Variants in CSMD1 observed in about 807,000 individuals in gnomAD.
The protein encoded by CSMD1 is CUB and Sushi multiple domains 1.
Under a neutral mutation model 417.5 loss-of-function variants are expected in CSMD1, and 213 were observed. That is an observed-to-expected ratio of 0.51 (90% CI 0.46 to 0.57). CSMD1 has a LOEUF of 0.57. Among genes scored for constraint, CSMD1 ranks in the 20% least tolerant of loss-of-function variants. The pLI is 0.00. For missense variants in CSMD1, 6,923 were observed against 4,529.7 expected, an observed-to-expected ratio of 1.53 and a Z score of -15.17; for synonymous variants, 2,862 against 1,736.8, an observed-to-expected ratio of 1.65 and a Z score of -16.11.
chr8:4,604,627 T>C (rs960306095), intron 2 of CSMD1, among the ~76,000 whole-genome samples: 3 of 152,138 alleles, frequency 2.0e-5, no homozygotes, highest in African/African-American at 7.2e-5. Context: ...AAGTTAAATC[T>C]CTGCAAATGA....
intron 2 of CSMD1, among the ~76,000 whole-genome samples, chr8:4,562,922 A>T (rs1464979458): frequency 6.6e-6 from 1 of 152,188 alleles, no homozygotes; most frequent in African/African-American, 2.4e-5. Context: ...TGTATATATA[A>T]AAAAATTAAC....
intron 5 of CSMD1, among the ~76,000 whole-genome samples, chr8:3,970,049 C>A (rs1298642236): frequency 6.6e-6 from 1 of 152,200 alleles, no homozygotes; most frequent in East Asian, 1.9e-4. Context: ...TACTGAGCTA[C>A]CAAACTACTA....
At chr8:4,086,411 C>G (rs547862918) in intron 3 of CSMD1, among the ~76,000 whole-genome samples, 22 of 152,266 alleles carry the variant, frequency 1.4e-4, no homozygotes, top group Non-Finnish European at 2.2e-4. Context: ...ACTTGTAAAT[C>G]ATTTTGAAAA....
chr8:3,339,999 A>G (rs1359298892), intron 23 of CSMD1, among the ~76,000 whole-genome samples: 5 of 152,214 alleles, frequency 3.3e-5, no homozygotes. Flanking sequence ...ATAAATGCCT[A>G]TTCAGCAACG....
chr8:4,921,605 T>G (rs1329646792), intron 1 of CSMD1, among the ~76,000 whole-genome samples: 1 of 152,184 alleles, frequency 6.6e-6, no homozygotes, highest in African/African-American at 2.4e-5. Context: ...CCAAAATACC[T>G]TTTATTTTAC....
intron 3 of CSMD1, among the ~76,000 whole-genome samples, chr8:4,094,353 C>G (rs1056624443): frequency 2.0e-5 from 3 of 152,068 alleles, no homozygotes; most frequent in African/African-American, 2.4e-5. Context: ...GAGCTGGACT[C>G]ATGGGTAACA....
At chr8:3,326,438 G>A (rs1178377284) in intron 23 of CSMD1, among the ~76,000 whole-genome samples, 1 of 152,188 alleles carries the variant, frequency 6.6e-6, no homozygotes, top group Non-Finnish European at 1.5e-5. Flanking sequence ...ACGAAGGTAT[G>A]AGGTGTTTCG....
At chr8:4,820,158 G>GAGCT (rs1799439757) in intron 1 of CSMD1, among the ~76,000 whole-genome samples, 1 of 152,082 alleles carries the variant, frequency 6.6e-6, no homozygotes, top group African/African-American at 2.4e-5. Context: ...TGTGAAGGGA[G>GAGCT]AGCTACTCAA....
chr8:3,161,777 T>C (rs1819914013), intron 38 of CSMD1, among the ~76,000 whole-genome samples: 1 of 152,186 alleles, frequency 6.6e-6, no homozygotes, highest in Non-Finnish European at 1.5e-5. Flanking sequence ...TGACTTATAC[T>C]GAATGATGAG....
At chr8:4,090,314 T>A (rs2130844899) in intron 3 of CSMD1, among the ~76,000 whole-genome samples, 2 of 152,316 alleles carry the variant, frequency 1.3e-5, no homozygotes, top group Admixed American at 1.3e-4. Flanking sequence ...TAATATCGTT[T>A]ATAAAGAAAC....
intron 7 of CSMD1, among the ~76,000 whole-genome samples, chr8:3,667,081 G>A (rs60921509): frequency 2.0e-5 from 3 of 152,100 alleles, no homozygotes; most frequent in Admixed American, 6.5e-5. Flanking sequence ...ATTATTGAGT[G>A]CTTGGTACAA....
At chr8:3,075,343 G>A (rs1273295399) in intron 49 of CSMD1, among the ~76,000 whole-genome samples, 2 of 148,782 alleles carry the variant, frequency 1.3e-5, no homozygotes, top group African/African-American at 5.0e-5. Context: ...GTGCAACGGT[G>A]TGATCTCGGC....
chr8:3,534,905 A>C (rs528462622), intron 10 of CSMD1, among the ~76,000 whole-genome samples: 1 of 152,320 alleles, frequency 6.6e-6, no homozygotes, highest in South Asian at 2.1e-4. Context: ...TTTAGTCCAG[A>C]ATTCAAGTAA....
At chr8:4,910,849 G>A (rs1287267702) in intron 1 of CSMD1, among the ~76,000 whole-genome samples, 2 of 152,160 alleles carry the variant, frequency 1.3e-5, no homozygotes, top group Non-Finnish European at 2.9e-5. Flanking sequence ...TGGTTTGGCT[G>A]TGTCCCCACC....
intron 7 of CSMD1, among the ~76,000 whole-genome samples, chr8:3,704,365 C>T (rs896240215): frequency 1.3e-5 from 2 of 152,130 alleles, no homozygotes; most frequent in African/African-American, 2.4e-5. Flanking sequence ...CCAGTGGGCT[C>T]CATAGGAACT....
At chr8:3,487,941 C>T (rs1818151596) in intron 11 of CSMD1, among the ~76,000 whole-genome samples, 1 of 151,716 alleles carries the variant, frequency 6.6e-6, no homozygotes, top group Admixed American at 6.6e-5. Context: ...GTTTGCATCC[C>T]ATTAGAGATG....
intron 4 of CSMD1, among the ~76,000 whole-genome samples, chr8:4,030,495 C>G (rs2688363): frequency 0.43 from 65,495 of 151,988 alleles, 14,194 homozygotes; most frequent in Middle Eastern, 0.49. Context: ...ACAGTTGGAG[C>G]AGCTGGGATG....
At chr8:3,255,719 G>C (rs1303109918) in intron 26 of CSMD1, among the ~76,000 whole-genome samples, 1 of 152,188 alleles carries the variant, frequency 6.6e-6, no homozygotes, top group Non-Finnish European at 1.5e-5. Flanking sequence ...CATTGGGAAA[G>C]TGCAGTATTA....
At chr8:4,415,792 C>T (rs78049679) in intron 3 of CSMD1, among the ~76,000 whole-genome samples, 4,833 of 152,198 alleles carry the variant, frequency 0.032, 140 homozygotes, top group African/African-American at 0.079. Context: ...TATGAGCACA[C>T]GTGTTTACAT....
Sources: gnomAD v4.1 joint callset for allele counts (sites outside exome capture counted in the v4.1 genomes callset) on GRCh38, gnomAD v4.1.1 for gene constraint, MANE v1.5 for transcripts, NCBI Gene and HGNC (gene_info 2026-07-23, HGNC 2026-07-21) for gene names.